Variants in NALCN observed in about 807,000 individuals in gnomAD.
The protein encoded by NALCN is sodium leak channel, non-selective.
Under a neutral mutation model 225.3 loss-of-function variants are expected in NALCN, and 111 were observed. The ratio of observed to expected loss-of-function variants is 0.49; its 90% CI spans 0.42 to 0.58. NALCN has a LOEUF of 0.58. Among genes scored for constraint, NALCN ranks in the 20% least tolerant of loss-of-function variants. NALCN has a pLI of 0.00. For synonymous variants in NALCN, 764 were observed against 769.0 expected, an observed-to-expected ratio of 0.99 and a Z score of 0.11; for missense variants, 1,378 against 2,202.4, an observed-to-expected ratio of 0.63 and a Z score of 7.49.
At chr13:101,340,207 G>T (rs900800877) in intron 7 of NALCN, among the ~76,000 whole-genome samples, 3 of 151,620 alleles carry the variant, frequency 2.0e-5, no homozygotes, top group Non-Finnish European at 4.4e-5. Context: ...GGCAAAGTTT[G>T]CAGTGAGCCA....
At chr13:101,231,230 A>G (rs1474206323) in intron 12 of NALCN, among the ~76,000 whole-genome samples, 1 of 152,174 alleles carries the variant, frequency 6.6e-6, no homozygotes, top group African/African-American at 2.4e-5. Flanking sequence ...ATATACAGAT[A>G]TATTTAGATG....
intron 11 of NALCN, among the ~76,000 whole-genome samples, chr13:101,249,972 T>C (rs1394701134): frequency 6.6e-6 from 1 of 152,132 alleles, no homozygotes; most frequent in African/African-American, 2.4e-5. Flanking sequence ...GATACAATTA[T>C]CTACATAGAA....
chr13:101,301,143 T>C lies in NALCN; in HGVS notation c.800-8777A>G, dbSNP rs368020161. Among the ~76,000 whole-genome samples, 8 of 152,344 alleles carry C rather than the reference T, an allele frequency of 5.3e-5. 1 individual carries two copies. The highest frequency in any genetic ancestry group is 1.9e-4 in the East Asian group (1 of 5,178). On this transcript the variant is annotated intron_variant, in intron 7 of 43. Coordinates refer to ENST00000251127, the MANE Select transcript of NALCN (RefSeq NM_052867.4). ...AAAGGAGAGGTGAAGGCTTTCACTA[T>C]AGTATTCACAAATGGAAAAGAAGTG...
chr13:101,355,703 T>C (rs751876856), intron 6 of NALCN, among the ~76,000 whole-genome samples: 3 of 152,180 alleles, frequency 2.0e-5, no homozygotes, highest in Non-Finnish European at 4.4e-5. Context: ...GTGGACCTAA[T>C]GGACATCTAT....
intron 13 of NALCN, among the ~76,000 whole-genome samples, chr13:101,206,116 A>G (rs2040302781): frequency 6.6e-6 from 1 of 151,902 alleles, no homozygotes; most frequent in South Asian, 2.1e-4. Context: ...TATGACTACT[A>G]TTTTCTCTGC....
At chr13:101,360,065 CTTTTT>C (rs1316524580) in intron 6 of NALCN, among the ~76,000 whole-genome samples, 3 of 146,128 alleles carry the variant, frequency 2.1e-5, no homozygotes, top group African/African-American at 7.7e-5. Context: ...CTCTTTCTTT[CTTTTT>C]CTTTCTTTCT....
intron 6 of NALCN, among the ~76,000 whole-genome samples, chr13:101,360,176 C>T (rs1396876230): frequency 2.3e-4 from 28 of 123,688 alleles, no homozygotes; most frequent in African/African-American, 9.2e-4. Flanking sequence ...CTTTCTTCCT[C>T]TCTTCCTCTC....
At chr13:101,153,721 C>A (rs1429779490) in intron 15 of NALCN, among the ~76,000 whole-genome samples, 1 of 152,176 alleles carries the variant, frequency 6.6e-6, no homozygotes, top group Non-Finnish European at 1.5e-5. Flanking sequence ...CAAATTTCAT[C>A]TCGTTGAGAC....
intron 10 of NALCN, among the ~76,000 whole-genome samples, chr13:101,276,752 T>C (rs2042984847): frequency 6.6e-6 from 1 of 152,192 alleles, no homozygotes; most frequent in Non-Finnish European, 1.5e-5. Flanking sequence ...AGATCTTTTA[T>C]GTGCCCTAAT....
chr13:101,250,340 C>A (rs1403749144), intron 11 of NALCN, among the ~76,000 whole-genome samples: 1 of 151,944 alleles, frequency 6.6e-6, no homozygotes, highest in Non-Finnish European at 1.5e-5. Context: ...AGAAGAATAT[C>A]AACATCAGTA....
At chr13:101,235,287 A>AT (rs1227615795) in intron 12 of NALCN, among the ~76,000 whole-genome samples, 1 of 152,106 alleles carries the variant, frequency 6.6e-6, no homozygotes, top group Non-Finnish European at 1.5e-5. Flanking sequence ...TTGCACACAA[A>AT]TGTTATTTTC....
Position 101,176,872 on chromosome 13 carries a change from G to A in NALCN, c.1765-498C>T, listed in dbSNP as rs149924992. On this transcript the variant is annotated intron_variant, in intron 14 of 43. Coordinates refer to ENST00000251127, the MANE Select transcript of NALCN (RefSeq NM_052867.4). Reference sequence around the variant, plus strand: ...GCTACTCTTCAAGATGGCCTCCAGCGTTGTTCTAGACTCCTGGTTCATGCC... The same window carrying A: ...GCTACTCTTCAAGATGGCCTCCAGCATTGTTCTAGACTCCTGGTTCATGCC... 3.5e-3 allele frequency among the ~76,000 whole-genome samples: 535 copies of A among 152,302 alleles called. 8 individuals carry two copies. The highest frequency in any genetic ancestry group is 1.4e-3 in the Non-Finnish European group (96 of 68,020).
At chr13:101,380,864 A>ACACACACG (rs1366824310) in intron 3 of NALCN, among the ~76,000 whole-genome samples, 3 of 102,642 alleles carry the variant, frequency 2.9e-5, no homozygotes, top group African/African-American at 1.0e-4. Flanking sequence ...GCTAACACAC[A>ACACACACG]CACACACACA....
intron 17 of NALCN, among the ~76,000 whole-genome samples, chr13:101,137,656 C>CT (rs2036867674): frequency 6.6e-6 from 1 of 152,140 alleles, no homozygotes; most frequent in South Asian, 2.1e-4. Context: ...AAAAATCAGA[C>CT]TTAGGTACCA....
intron 20 of NALCN, among the ~76,000 whole-genome samples, 186 bp from the exon 21 acceptor site, chr13:101,107,975 T>C (rs2035227969): frequency 6.7e-6 from 1 of 148,722 alleles, no homozygotes; most frequent in Non-Finnish European, 1.5e-5. Flanking sequence ...TGTATATTTA[T>C]ACTAAATGTA....
chr13:101,061,538 G>A (rs952375398), intron 41 of NALCN, among the ~76,000 whole-genome samples: 1 of 151,902 alleles, frequency 6.6e-6, no homozygotes, highest in African/African-American at 2.4e-5. Context: ...TGTGTGCCAC[G>A]CCTGGTTAAT....
chr13:101,403,178 A>G (rs951981267), intron 1 of NALCN, among the ~76,000 whole-genome samples: 2 of 152,136 alleles, frequency 1.3e-5, no homozygotes, highest in Non-Finnish European at 2.9e-5. Flanking sequence ...CACACAGCAA[A>G]TATTATGCAT....
At chr13:101,412,457 C>G (rs371258082) in intron 1 of NALCN, among the ~76,000 whole-genome samples, 1 of 152,164 alleles carries the variant, frequency 6.6e-6, no homozygotes, top group African/African-American at 2.4e-5. Flanking sequence ...GGAGGCCTAC[C>G]CCTGCCCCCA....
intron 34 of NALCN, among the ~76,000 whole-genome samples, chr13:101,078,028 G>A (rs995502563): frequency 6.6e-6 from 1 of 152,202 alleles, no homozygotes; most frequent in Non-Finnish European, 1.5e-5. Context: ...CAAGCCCCAC[G>A]ACTTGGTGGC....
Sources: gnomAD v4.1 joint callset for allele counts (sites outside exome capture counted in the v4.1 genomes callset) on GRCh38, gnomAD v4.1.1 for gene constraint, MANE v1.5 for transcripts, NCBI Gene and HGNC (gene_info 2026-07-23, HGNC 2026-07-21) for gene names.